The following RASGRP4 variants were observed in gnomAD, a reference collection of about 807,000 sequenced individuals.
RASGRP4 encodes RAS guanyl releasing protein 4, also known as RAS guanyl-releasing protein 4.
Under a neutral mutation model 84.4 loss-of-function variants are expected in RASGRP4, and 52 were observed. The ratio of observed to expected loss-of-function variants is 0.62; its 90% CI spans 0.49 to 0.78. The LOEUF (loss-of-function observed/expected upper bound fraction) is 0.78. Among genes scored for constraint, RASGRP4 ranks in the 30% least tolerant of loss-of-function variants. The pLI is 0.00. For missense variants in RASGRP4, 760 were observed against 886.9 expected, an observed-to-expected ratio of 0.86 and a Z score of 1.82; for synonymous variants, 356 against 359.1, an observed-to-expected ratio of 0.99 and a Z score of 0.10.
In RASGRP4 at chr19:38,426,064, C is replaced by T; in HGVS notation, c.23+5G>A. On this transcript the variant is annotated splice_donor_5th_base_variant and intron_variant, in intron 1 of 16. Coordinates refer to ENST00000615439, the MANE Select transcript of RASGRP4 (RefSeq NM_170604.3). ...TGCCGGGCTCCCTGGGGAGGGTCCT[C>T]TCACCTCTTACTGTCTTTTCTGTTC... The T allele has an allele frequency of 1.5e-6, 2 of 1,364,510 alleles. No individual in the cohort carries two copies. Among genetic ancestry groups the T allele is most frequent in the Non-Finnish European group, 1.9e-6 (2 of 1,049,536 alleles). 84.5% of individuals were successfully genotyped at this position (1,364,510 alleles called of 1,614,324 possible).
Position 38,422,134 on chromosome 19 carries a change from T to A in RASGRP4, c.43A>T (p.Thr15Ser), listed in dbSNP as rs903505143. ...CGGCCTCGCCCTCCTATTTTTCCGG[T>A]GCATTCCTGGTGGGACTTCCTGTGG... Reference protein sequence around the residue: ...DSKRKSHQECTGKIGGRGRPR... With the variant: ...DSKRKSHQECSGKIGGRGRPR... The change falls in exon 2 of 17, where the codon ACC (threonine) becomes TCC (serine). Residue 15 changes from threonine (T) to serine (S), a missense_variant. Physicochemically the swap from Thr to Ser is moderately conservative, Grantham distance 58 (BLOSUM62 1). Coordinates refer to ENST00000615439, the MANE Select transcript of RASGRP4 (RefSeq NM_170604.3). The A allele has an allele frequency of 3.7e-6, 6 of 1,611,008 alleles. No individual in the cohort carries two copies. The highest frequency in any genetic ancestry group is 5.1e-6 in the Non-Finnish European group (6 of 1,178,988).
Position 38,418,339 on chromosome 19 carries a change from GACC to G in RASGRP4, c.837+49_837+51del. 1 of 1,550,872 alleles carries G rather than the reference GACC, an allele frequency of 6.4e-7. No homozygotes were observed. The highest frequency in any genetic ancestry group is 8.8e-7 in the Non-Finnish European group (1 of 1,142,460). On this transcript the variant is annotated intron_variant, in intron 7 of 16. Transcript: ENST00000615439. The surrounding 1 kb of genome is among the most constrained non-coding windows in gnomAD (Gnocchi z 4.6). The stretch of plus-strand genomic sequence containing the variant: ...GGGGTCGAGGGTCTGGAAGGGGAAG[GACC>G]AGGTGGCTGCGTGCAGTGGAGTTCG...
rs371643790 is a variant in RASGRP4 at position 38,411,107 on chromosome 19, G to A, written c.1852+8C>T. On this transcript the variant is annotated splice_region_variant and intron_variant, in intron 15 of 16. Transcript: ENST00000615439. ...CCCTTCCCAGCACCGGTGTGCTCTA[G>A]GTCTTACCACAGCTGGCATGGGGAG... is the stretch of plus-strand genomic sequence containing the variant. The A allele has an allele frequency of 4.6e-5, 74 of 1,613,180 alleles. No homozygotes were observed. In the Middle Eastern group the frequency reaches 5.0e-4, roughly 11 times the overall value.
chr19:38,424,262 G>A (rs1971892293), intron 1 of RASGRP4, among the ~76,000 whole-genome samples: 2 of 152,086 alleles, frequency 1.3e-5, no homozygotes, highest in Admixed American at 6.6e-5. Flanking sequence ...TGGGACTACA[G>A]GCACGTGCCA....
At position 38,417,169 on chromosome 19, in the gene RASGRP4, C is replaced by G. The variant is rs1971533002; in HGVS notation, c.838-1G>C. The G allele has an allele frequency of 6.4e-7, 1 of 1,551,380 alleles. No homozygotes were observed. Among genetic ancestry groups the G allele is most frequent in the Non-Finnish European group, 8.7e-7 (1 of 1,145,712 alleles). On this transcript the variant is annotated splice_acceptor_variant, in intron 7 of 16. Transcript: ENST00000615439. LOFTEE classifies it high-confidence loss of function. The surrounding 1 kb of genome is among the most constrained non-coding windows in gnomAD (Gnocchi z 5.1). ...TGAAATTCTGCAGCTGGTGGAGCCT[C>G]TAGGAAGAGAAGCATGCACACAGGG...
At chr19:38,411,304 C>A (rs747869779) in intron 14 of RASGRP4, 41 bp downstream of exon 14, 1 of 1,610,458 alleles carries the variant, frequency 6.2e-7, no homozygotes, top group Non-Finnish European at 8.5e-7. Context: ...TTCCAGCCTG[C>A]GGGCCAAGGC....
At chr19:38,421,831 C>T (rs1971766154) in intron 2 of RASGRP4, 138 bp downstream of exon 2, 1 of 553,478 alleles carries the variant, frequency 1.8e-6, no homozygotes, top group Non-Finnish European at 3.1e-6. Context: ...GCAGGTGTTT[C>T]TGTTATCTCT....
At position 38,412,958 on chromosome 19, in the gene RASGRP4, T is replaced by C. The variant is rs1476979674; in HGVS notation, c.1508A>G (p.His503Arg). The change falls in exon 12 of 17, where the codon CAT (histidine) becomes CGT (arginine). Residue 503 changes from histidine (H) to arginine (R), a missense_variant. By Grantham distance (29) the His-to-Arg change is conservative. Transcript: ENST00000615439. The surrounding 1 kb of genome is among the most constrained non-coding windows in gnomAD (Gnocchi z 4.6). ...RLSGNFPFAC[H>R]GLHPPPRQGR... ...CTGGCGTGGGGGTGGGTGAAGCCCA[T>C]GGCAGGCGAAGGGAAAATTGCCCGA... 6.2e-7 allele frequency: 1 copy of C among 1,613,864 alleles called. No homozygotes were observed. Among genetic ancestry groups the C allele is most frequent in the Non-Finnish European group, 8.5e-7 (1 of 1,179,870 alleles).
chr19:38,411,390 A>G lies in RASGRP4; in HGVS notation c.1681-9T>C. On this transcript the variant is annotated splice_polypyrimidine_tract_variant and intron_variant, in intron 13 of 16. Transcript: ENST00000615439. ...TTGGTGACACCCCAGAGCTGGGAAGAGAAAGGAGAAAAGGTTACCCATCCT... is the reference window on the plus strand; with the variant it reads ...TTGGTGACACCCCAGAGCTGGGAAGGGAAAGGAGAAAAGGTTACCCATCCT... 1 of 1,552,918 alleles carries G rather than the reference A, an allele frequency of 6.4e-7. No individual in the cohort carries two copies. The highest frequency in any genetic ancestry group is 1.4e-5 in the African/African-American group (1 of 73,472).
intron 2 of RASGRP4, 29 bp downstream of exon 2, chr19:38,421,940 A>G (rs1409420744): frequency 4.4e-6 from 7 of 1,593,206 alleles, no homozygotes; most frequent in Non-Finnish European, 6.0e-6. Flanking sequence ...GGTTAGGGCC[A>G]GGGAGGCTGC....
intron 8 of RASGRP4, among the ~76,000 whole-genome samples, chr19:38,415,668 C>T (rs1432751138): frequency 4.6e-5 from 7 of 151,960 alleles, no homozygotes; most frequent in South Asian, 2.1e-4. Flanking sequence ...CCATCAAGAC[C>T]GGCCTTTTTA....
rs1971157890 is a variant in RASGRP4, at chr19:38,410,049, C to T, written c.2013G>A (p.Leu671=). ...MDPPSTASSK[L]DS ...GGAGACCAAGAGATGTCTAGGAATCCAGCTTGGAGGATGCAGTTGATGGTG... is the reference window on the plus strand; with the variant it reads ...GGAGACCAAGAGATGTCTAGGAATCTAGCTTGGAGGATGCAGTTGATGGTG... The change falls in exon 17 of 17, where the codon CTG becomes CTA. Residue 671 remains leucine, a synonymous_variant. Coordinates refer to ENST00000615439, the MANE Select transcript of RASGRP4 (RefSeq NM_170604.3). The T allele has an allele frequency of 6.2e-7, 1 of 1,611,842 alleles. No homozygotes were observed. Among genetic ancestry groups the T allele is most frequent in the Non-Finnish European group, 8.5e-7 (1 of 1,178,876 alleles).
In RASGRP4 at chr19:38,419,868, C is replaced by T. The variant is rs1971661952; in HGVS notation, c.655G>A (p.Ala219Thr). Residue 219 changes from alanine (A) to threonine (T), a missense_variant, in exon 6 of 17, where the codon GCT becomes ACT. Ala to Thr is a moderately conservative substitution (Grantham distance 58). Coordinates refer to ENST00000615439, the MANE Select transcript of RASGRP4 (RefSeq NM_170604.3). ...LTYLEFRSFQ[A>T]ITPQDLRSYV... Reference sequence around the variant, plus strand: ...TGGGAGGGGGTCCTCACCGTGATAGCCTGGAAGGACCGGAACTCCAGGTAG... The same window carrying T: ...TGGGAGGGGGTCCTCACCGTGATAGTCTGGAAGGACCGGAACTCCAGGTAG... 1.3e-6 allele frequency: 2 copies of T among 1,596,714 alleles called. No individual in the cohort carries two copies. Among genetic ancestry groups the T allele is most frequent in the East Asian group, 2.3e-5 (1 of 44,196 alleles).
At chr19:38,421,755 T>C in intron 2 of RASGRP4, among the ~76,000 whole-genome samples, 1 of 148,294 alleles carries the variant, frequency 6.7e-6, no homozygotes, top group East Asian at 1.9e-4. Context: ...TATAAATATA[T>C]ATAATATACA....
intron 8 of RASGRP4, among the ~76,000 whole-genome samples, chr19:38,415,371 A>ATTTTT (rs35862695): frequency 3.2e-5 from 4 of 124,978 alleles, no homozygotes; most frequent in South Asian, 2.6e-4. Flanking sequence ...TTTCTTTTTG[A>ATTTTT]TTTTTTTTTT....
At chr19:38,414,322 T>C (rs144375454) in intron 9 of RASGRP4, among the ~76,000 whole-genome samples, 1,566 of 152,182 alleles carry the variant, frequency 0.01, 10 homozygotes, top group Middle Eastern at 0.044. Flanking sequence ...TATTTTTATT[T>C]ATTTATTTAT....
Position 38,412,965 on chromosome 19 carries a change from C to A in RASGRP4, c.1501G>T (p.Ala501Ser), listed in dbSNP as rs748797528. The change falls in exon 12 of 17, where the codon GCC (alanine) becomes TCC (serine). Residue 501 changes from alanine to serine, a missense_variant. Transcript: ENST00000615439. The surrounding 1 kb of genome is among the most constrained non-coding windows in gnomAD (Gnocchi z 4.6). ...FERLSGNFPF[A>S]CHGLHPPPRQ... ...GGGGGTGGGTGAAGCCCATGGCAGGCGAAGGGAAAATTGCCCGAGAGTCGC... is the reference window on the plus strand; with the variant it reads ...GGGGGTGGGTGAAGCCCATGGCAGGAGAAGGGAAAATTGCCCGAGAGTCGC... 6.2e-7 allele frequency: 1 copy of A among 1,612,686 alleles called. No homozygotes were observed. Among genetic ancestry groups the A allele is most frequent in the Non-Finnish European group, 8.5e-7 (1 of 1,179,754 alleles).
Position 38,426,120 on chromosome 19 carries a change from G to T in RASGRP4, c.-29C>A. The stretch of plus-strand genomic sequence containing the variant: ...TCCCGCGTGGGGTGAGGAGGCCGGG[G>T]GTCTTGCAAGAGTAGGGCTCAGCTC... On this transcript the variant is annotated 5_prime_UTR_variant, in exon 1 of 17. Coordinates refer to ENST00000615439, the MANE Select transcript of RASGRP4 (RefSeq NM_170604.3). 2.3e-6 allele frequency: 3 copies of T among 1,317,972 alleles called. No individual in the cohort carries two copies. The highest frequency in any genetic ancestry group is 2.9e-6 in the Non-Finnish European group (3 of 1,024,756). The allele number at this position is 1,317,972 out of a possible 1,614,324, so 81.6% of individuals were successfully genotyped here.
At position 38,426,116 on chromosome 19, in the gene RASGRP4, C is replaced by T. The variant is rs765417422; in HGVS notation, c.-25G>A. The T allele has an allele frequency of 6.8e-6, 9 of 1,320,560 alleles. No homozygotes were observed. The Admixed American group carries it at 1.3e-4, about 19-fold the overall frequency. 81.8% of individuals were successfully genotyped at this position (1,320,560 alleles called of 1,614,324 possible). A position where few individuals can be genotyped will look rare whatever the true frequency, so the allele number is the denominator to read the frequency against. On this transcript the variant is annotated 5_prime_UTR_variant, in exon 1 of 17. Coordinates refer to ENST00000615439, the MANE Select transcript of RASGRP4 (RefSeq NM_170604.3). ...TGCTTCCCGCGTGGGGTGAGGAGGC[C>T]GGGGGTCTTGCAAGAGTAGGGCTCA... is the stretch of plus-strand genomic sequence containing the variant.
Sources: gnomAD v4.1 joint callset for allele counts (sites outside exome capture counted in the v4.1 genomes callset) on GRCh38, gnomAD v4.1.1 for gene constraint, Gnocchi (gnomAD v3.1) non-coding constraint, MANE v1.5 for transcripts, NCBI Gene and HGNC (gene_info 2026-07-23, HGNC 2026-07-21) for gene names.